TMCC1: variants seen among roughly 807,000 people sequenced by gnomAD.
TMCC1 encodes transmembrane and coiled-coil domains protein 1.
In TMCC1, 15 loss-of-function variants were observed where a neutral mutation model predicts 52.4. The ratio of observed to expected loss-of-function variants is 0.29; its 90% confidence interval spans 0.19 to 0.44. The LOEUF (loss-of-function observed/expected upper bound fraction) is 0.44. Ranked by LOEUF, TMCC1 falls within the 20% of genes least tolerant of loss-of-function variation. The pLI, the probability that TMCC1 is intolerant of heterozygous loss-of-function variation, is 1.00. For synonymous variants in TMCC1, 279 were observed against 301.9 expected, an observed-to-expected ratio of 0.92 and a Z score of 0.79; for missense variants, 503 against 806.0, an observed-to-expected ratio of 0.62 and a Z score of 4.55.
At chr3:129,755,547 C>T (rs1402044709) in intron 4 of TMCC1, among the ~76,000 whole-genome samples, 6 of 152,042 alleles carry the variant, frequency 3.9e-5, no homozygotes, top group Non-Finnish European at 8.8e-5. Context: ...TCTAAAACCT[C>T]AATAATGAGA....
chr3:129,753,910 T>C (rs1377531719), intron 4 of TMCC1, among the ~76,000 whole-genome samples: 2 of 146,924 alleles, frequency 1.4e-5, no homozygotes, highest in African/African-American at 2.5e-5. Flanking sequence ...ACTCTATTCA[T>C]AAGTAATATA....
At chr3:129,705,391 G>C (rs1205327505) in intron 4 of TMCC1, among the ~76,000 whole-genome samples, 1 of 152,124 alleles carries the variant, frequency 6.6e-6, no homozygotes, top group Non-Finnish European at 1.5e-5. Context: ...CTGGGGGTGA[G>C]GCAGGGGAGT....
intron 2 of TMCC1, among the ~76,000 whole-genome samples, chr3:129,841,840 T>C (rs1237382682): frequency 1.3e-5 from 2 of 152,226 alleles, no homozygotes; most frequent in East Asian, 1.9e-4. Flanking sequence ...CCTGCCACCA[T>C]GTAAGACGTG....
chr3:129,694,812 G>A (rs1286921556), intron 4 of TMCC1, among the ~76,000 whole-genome samples: 1 of 152,032 alleles, frequency 6.6e-6, no homozygotes, highest in Non-Finnish European at 1.5e-5. Context: ...TGCCTATGGA[G>A]GCCATTCTTT....
chr3:129,654,820 A>C (rs138131502), intron 6 of TMCC1, 148 bp downstream of exon 6: 154 of 1,151,986 alleles, frequency 1.3e-4, no homozygotes, highest in Non-Finnish European at 1.8e-4. Context: ...AATGCATCTC[A>C]ATCATTTTAA....
At chr3:129,833,742 A>C (rs1332057446) in intron 2 of TMCC1, among the ~76,000 whole-genome samples, 1 of 152,158 alleles carries the variant, frequency 6.6e-6, no homozygotes, top group African/African-American at 2.4e-5. Context: ...ACCAAAAAAA[A>C]ATGTTTTTAT....
intron 4 of TMCC1, among the ~76,000 whole-genome samples, chr3:129,750,054 A>G (rs953306444): frequency 2.6e-5 from 4 of 152,224 alleles, no homozygotes; most frequent in Admixed American, 6.5e-5. Context: ...AAGAAAATAC[A>G]CTTTGTTCCA....
chr3:129,826,379 C>A (rs954085466), intron 4 of TMCC1, among the ~76,000 whole-genome samples: 24 of 150,708 alleles, frequency 1.6e-4, no homozygotes, highest in Non-Finnish European at 3.2e-4. Flanking sequence ...TGCTGGCATG[C>A]GCCTGTAGTA....
At chr3:129,657,087 T>G (rs1004316524) in intron 5 of TMCC1, among the ~76,000 whole-genome samples, 21 of 152,142 alleles carry the variant, frequency 1.4e-4, no homozygotes, top group African/African-American at 4.3e-4. Flanking sequence ...TCTTGGGATT[T>G]AAGGGAAAGG....
chr3:129,737,242 G>A (rs553254560), intron 4 of TMCC1, among the ~76,000 whole-genome samples: 7 of 151,976 alleles, frequency 4.6e-5, no homozygotes, highest in Middle Eastern at 3.4e-3. Context: ...TGAGGTGGGC[G>A]AATCACCTGA....
chr3:129,778,408 C>A (rs2055217335), intron 4 of TMCC1, among the ~76,000 whole-genome samples: 1 of 152,180 alleles, frequency 6.6e-6, no homozygotes, highest in African/African-American at 2.4e-5. Flanking sequence ...TCACTGGTGC[C>A]TTTGTTCCAT....
chr3:129,850,104 T>G (rs1385262101), intron 2 of TMCC1, among the ~76,000 whole-genome samples: 3 of 151,986 alleles, frequency 2.0e-5, no homozygotes, highest in Non-Finnish European at 1.5e-5. Flanking sequence ...GAAAAAAAAA[T>G]GTGGAAGGAT....
intron 4 of TMCC1, among the ~76,000 whole-genome samples, chr3:129,749,005 A>T (rs549775352): frequency 6.6e-6 from 1 of 152,110 alleles, no homozygotes; most frequent in Non-Finnish European, 1.5e-5. Flanking sequence ...AGCCTGAGTG[A>T]CAGAGTGAGA....
chr3:129,666,482 T>C (rs1176277073), intron 5 of TMCC1, among the ~76,000 whole-genome samples: 3 of 151,746 alleles, frequency 2.0e-5, no homozygotes, highest in South Asian at 4.2e-4. Flanking sequence ...CTCATGTCTG[T>C]AATCCCAGCA....
At chr3:129,728,439 C>A (rs1179864728) in intron 4 of TMCC1, among the ~76,000 whole-genome samples, 1 of 152,132 alleles carries the variant, frequency 6.6e-6, no homozygotes, top group African/African-American at 2.4e-5. Context: ...GCGCCGGCCA[C>A]CACGCCCAGC....
intron 4 of TMCC1, among the ~76,000 whole-genome samples, chr3:129,771,797 A>AAAAAAAAAAG (rs60824072): frequency 2.8e-3 from 240 of 86,858 alleles, no homozygotes; most frequent in Non-Finnish European, 4.5e-3. Flanking sequence ...AAAAAAAAAA[A>AAAAAAAAAAG]AAGAAGAAGA....
At chr3:129,716,896 A>G (rs183732014) in intron 4 of TMCC1, among the ~76,000 whole-genome samples, 1 of 152,298 alleles carries the variant, frequency 6.6e-6, no homozygotes, top group East Asian at 1.9e-4. Context: ...AGACCTCACT[A>G]TTGTTATCGG....
At chr3:129,824,329 CTG>C (rs959925208) in intron 4 of TMCC1, among the ~76,000 whole-genome samples, 2 of 150,544 alleles carry the variant, frequency 1.3e-5, no homozygotes, top group Non-Finnish European at 3.0e-5. Context: ...GAGCGTGACT[CTG>C]TGTCAAAAAA....
intron 4 of TMCC1, among the ~76,000 whole-genome samples, chr3:129,674,202 T>A (rs775665965): frequency 2.0e-5 from 3 of 152,224 alleles, no homozygotes; most frequent in Non-Finnish European, 4.4e-5. Flanking sequence ...ACATTTTAGA[T>A]GTGATTTTAT....
Sources: gnomAD v4.1 joint callset for allele counts (sites outside exome capture counted in the v4.1 genomes callset) on GRCh38, gnomAD v4.1.1 for gene constraint, MANE v1.5 for transcripts, NCBI Gene and HGNC (gene_info 2026-07-23, HGNC 2026-07-21) for gene names.